The following SEC22A variants were observed in gnomAD, a reference collection of about 807,000 sequenced individuals.
SEC22A encodes the protein SEC22 homolog A, vesicle trafficking protein.
SEC22A carries 22 observed loss-of-function variants against 35.3 expected under a neutral mutation model. The observed-to-expected ratio is 0.62, with a 90% CI of 0.45 to 0.89. SEC22A has a LOEUF of 0.89. Ranked by LOEUF, SEC22A falls within the 40% of genes least tolerant of loss-of-function variation. The pLI, the probability that SEC22A is intolerant of heterozygous loss-of-function variation, is 0.00. For synonymous variants in SEC22A, 119 were observed against 129.5 expected (o/e 0.92, Z 0.55); for missense variants, 354 against 362.5 (o/e 0.98, Z 0.19).
intron 5 of SEC22A, 112 bp downstream of exon 5, chr3:123,246,126 TC>T (rs1937563991): frequency 3.3e-6 from 2 of 614,026 alleles, no homozygotes; most frequent in Non-Finnish European, 5.8e-6. Flanking sequence ...ATACTCAAAA[TC>T]TATGTTTTTT....
intron 5 of SEC22A, among the ~76,000 whole-genome samples, chr3:123,259,136 G>A (rs981055827): frequency 2.0e-5 from 3 of 152,200 alleles, no homozygotes; most frequent in Non-Finnish European, 4.4e-5. Context: ...AAGTTTGTCA[G>A]TATTTGAATC....
intron 5 of SEC22A, among the ~76,000 whole-genome samples, chr3:123,253,989 A>G (rs1462506001): frequency 6.6e-6 from 1 of 152,072 alleles, no homozygotes; most frequent in African/African-American, 2.4e-5. Context: ...TAAAAATAAC[A>G]AAAAAGAGTT....
rs1331493249 is a variant in SEC22A, at chr3:123,272,139, A to G, written c.*417A>G. 6.3e-6 allele frequency: 1 copy of G among 159,428 alleles called. No homozygotes were observed. The highest frequency in any genetic ancestry group is 2.4e-5 in the African/African-American group (1 of 41,640). The allele number at this position is 159,428 out of a possible 1,614,324, so 9.9% of individuals were successfully genotyped here. On this transcript the variant is annotated 3_prime_UTR_variant, in exon 7 of 7. Coordinates refer to ENST00000492595, the MANE Select transcript of SEC22A (RefSeq NM_012430.5). ...CCAAATAAAAAGCTGCAGAAATTGG[A>G]AAGTTTATGTTTTAAATAAATGACT...
At chr3:123,210,378 A>C (rs980804151) in intron 2 of SEC22A, among the ~76,000 whole-genome samples, 5 of 152,222 alleles carry the variant, frequency 3.3e-5, no homozygotes, top group Non-Finnish European at 5.9e-5. Context: ...AAGGTAAAAG[A>C]AGAATAATCA....
chr3:123,235,549 T>G (rs919503682), intron 4 of SEC22A, among the ~76,000 whole-genome samples: 1 of 152,184 alleles, frequency 6.6e-6, no homozygotes, highest in Non-Finnish European at 1.5e-5. Context: ...GATGAGGATA[T>G]AGAGAAATTG....
chr3:123,240,824 T>C (rs559966032), intron 4 of SEC22A, among the ~76,000 whole-genome samples: 1 of 152,244 alleles, frequency 6.6e-6, no homozygotes, highest in Non-Finnish European at 1.5e-5. Flanking sequence ...AAAAAAAAAC[T>C]TCACAAAACC....
At chr3:123,248,944 C>G (rs1490547755) in intron 5 of SEC22A, among the ~76,000 whole-genome samples, 1 of 152,120 alleles carries the variant, frequency 6.6e-6, no homozygotes, top group African/African-American at 2.4e-5. Context: ...CCAGATGTCA[C>G]AGGTAAAGAG....
intron 3 of SEC22A, among the ~76,000 whole-genome samples, chr3:123,224,007 GTAA>G (rs1937177181): frequency 6.6e-6 from 1 of 152,144 alleles, no homozygotes; most frequent in African/African-American, 2.4e-5. Context: ...TTGCGTTTCT[GTAA>G]TAATCTTTTA....
At chr3:123,250,825 A>G (rs890259173) in intron 5 of SEC22A, among the ~76,000 whole-genome samples, 5 of 152,124 alleles carry the variant, frequency 3.3e-5, no homozygotes, top group African/African-American at 1.2e-4. Flanking sequence ...TGGAATAACA[A>G]TGTATTTTAA....
chr3:123,225,931 TG>T (rs1937211866), intron 4 of SEC22A, among the ~76,000 whole-genome samples: 1 of 99,170 alleles, frequency 1.0e-5, no homozygotes, highest in Non-Finnish European at 2.2e-5. Flanking sequence ...CTCCCACAAA[TG>T]AGTGAGAATA....
At chr3:123,259,961 G>A (rs2108098447) in intron 6 of SEC22A, among the ~76,000 whole-genome samples, 1 of 151,826 alleles carries the variant, frequency 6.6e-6, no homozygotes, top group East Asian at 1.9e-4. Flanking sequence ...GTGAAACCTT[G>A]TCTGTACTAA....
chr3:123,269,936 A>T (rs1414782987), intron 6 of SEC22A, among the ~76,000 whole-genome samples: 2 of 151,630 alleles, frequency 1.3e-5, no homozygotes, highest in Non-Finnish European at 1.5e-5. Context: ...CTGGCCAAAA[A>T]TTTTTTTAAA....
At chr3:123,218,103 C>A (rs1452785701) in intron 2 of SEC22A, among the ~76,000 whole-genome samples, 1 of 152,130 alleles carries the variant, frequency 6.6e-6, no homozygotes, top group Non-Finnish European at 1.5e-5. Flanking sequence ...ACATAGGAAT[C>A]ACTTGTGGAA....
intron 2 of SEC22A, among the ~76,000 whole-genome samples, chr3:123,222,689 A>G (rs1185815171): frequency 1.3e-5 from 2 of 152,236 alleles, no homozygotes; most frequent in African/African-American, 2.4e-5. Flanking sequence ...AGGATATAAC[A>G]TCTGGAGACA....
chr3:123,208,542 C>T (rs1936885302), intron 1 of SEC22A: 1 of 152,032 alleles, frequency 6.6e-6, no homozygotes, highest in South Asian at 2.1e-4. Flanking sequence ...TGTGGTGGCT[C>T]ATGCCTGTAA....
intron 6 of SEC22A, among the ~76,000 whole-genome samples, chr3:123,269,110 A>G (rs1938089101): frequency 6.6e-6 from 1 of 151,942 alleles, no homozygotes; most frequent in Admixed American, 6.6e-5. Context: ...TCTTCTTTGT[A>G]ATTAATAAGT....
chr3:123,216,131 G>T (rs1180481778), intron 2 of SEC22A, among the ~76,000 whole-genome samples: 1 of 152,108 alleles, frequency 6.6e-6, no homozygotes, highest in Non-Finnish European at 1.5e-5. Flanking sequence ...TGTTAAATAG[G>T]CTCTTGTGAA....
chr3:123,230,630 A>G (rs1219928525), intron 4 of SEC22A, among the ~76,000 whole-genome samples: 4 of 151,404 alleles, frequency 2.6e-5, no homozygotes, highest in African/African-American at 9.7e-5. Flanking sequence ...TAGAGCAACC[A>G]CAAAGCAAAT....
intron 2 of SEC22A, among the ~76,000 whole-genome samples, chr3:123,219,954 T>C (rs1189571745): frequency 6.6e-6 from 1 of 152,202 alleles, no homozygotes; most frequent in African/African-American, 2.4e-5. Context: ...AATAAAGCAT[T>C]ATAAAACTAA....
Sources: gnomAD v4.1 joint callset for allele counts (sites outside exome capture counted in the v4.1 genomes callset) on GRCh38, gnomAD v4.1.1 for gene constraint, MANE v1.5 for transcripts, NCBI Gene and HGNC (gene_info 2026-07-23, HGNC 2026-07-21) for gene names.